CAMTA1: variants seen among roughly 807,000 people sequenced by gnomAD.
CAMTA1 encodes calmodulin-binding transcription activator 1.
CAMTA1 carries 27 observed loss-of-function variants against 170.9 expected under a neutral mutation model. The observed-to-expected ratio is 0.16, with a 90% CI of 0.12 to 0.22. The LOEUF (loss-of-function observed/expected upper bound fraction) is 0.22. CAMTA1 is among the 10% of genes least tolerant of loss of function. The probability of loss-of-function intolerance (pLI) is 1.00; values close to 1 mark genes in which losing one functional copy is unlikely to be tolerated. For missense variants in CAMTA1, 1,619 were observed against 2,217.2 expected, an observed-to-expected ratio of 0.73 and a Z score of 5.42; for synonymous variants, 833 against 891.5, an observed-to-expected ratio of 0.93 and a Z score of 1.17.
At chr1:6,794,891 T>TTG (rs1553146238) in intron 1 of CAMTA1, among the ~76,000 whole-genome samples, 3 of 130,748 alleles carry the variant, frequency 2.3e-5, no homozygotes, top group African/African-American at 1.1e-4. Flanking sequence ...TTTTTTTTTG[T>TTG]TTTTTTTGTT....
chr1:7,586,931 G>T (rs1420041723), intron 6 of CAMTA1, among the ~76,000 whole-genome samples: 1 of 151,972 alleles, frequency 6.6e-6, no homozygotes, highest in Non-Finnish European at 1.5e-5. Context: ...GGGAGGGGTT[G>T]TGCCACTCAA....
At chr1:6,989,303 C>T (rs1024524441) in intron 3 of CAMTA1, among the ~76,000 whole-genome samples, 3 of 152,186 alleles carry the variant, frequency 2.0e-5, no homozygotes, top group East Asian at 3.8e-4. Context: ...ATTTGACTAA[C>T]GGAGAATTTA....
Position 7,663,522 on chromosome 1 carries a change from G to A in CAMTA1, c.975G>A (p.Lys325=), listed in dbSNP as rs779986948. 4.7e-5 allele frequency: 75 copies of A among 1,603,728 alleles called. No individual in the cohort carries two copies. Among genetic ancestry groups the A allele is most frequent in the Middle Eastern group, 1.7e-4 (1 of 6,044 alleles). The change falls in exon 9 of 23, where the codon AAG becomes AAA. Residue 325 remains lysine (K), a synonymous_variant. Transcript: ENST00000303635. The stretch of plus-strand genomic sequence containing the variant: ...ACAGCAAGGGCTCCAGCCGTGAGAA[G>A]AGGAACGGCAAGGTGGCCAAGCCCG... ...HSHSKGSSRE[K]RNGKVAKPVL... is the part of the protein sequence containing the mutation.
rs1418876284 is a variant in CAMTA1, at chr1:7,670,951, C to A, written c.2693C>A (p.Ala898Asp). 6.2e-7 allele frequency: 1 copy of A among 1,613,796 alleles called. No homozygotes were observed. The highest frequency in any genetic ancestry group is 8.5e-7 in the Non-Finnish European group (1 of 1,179,914). Residue 898 changes from alanine (A) to aspartate (D), a missense_variant, in exon 10 of 23, where the codon GCC (alanine) becomes GAC (aspartate). Ala to Asp is a moderately radical substitution (Grantham distance 126). This residue lies in a region of CAMTA1 where 29 missense variants were observed against 70.9 expected (regional missense o/e 0.41). Coordinates refer to ENST00000303635, the MANE Select transcript of CAMTA1 (RefSeq NM_015215.4). ...CTCATCACAGGCCCGTGGCAAGAAGCCAGCAATAACTACAGCTGCCTGTTT... is the reference window on the plus strand; with the variant it reads ...CTCATCACAGGCCCGTGGCAAGAAGACAGCAATAACTACAGCTGCCTGTTT... ...KVLITGPWQE[A>D]SNNYSCLFDQ... is the part of the protein sequence containing the mutation.
chr1:7,729,112 A>AT (rs2096713028), intron 11 of CAMTA1, among the ~76,000 whole-genome samples: 9 of 146,196 alleles, frequency 6.2e-5, no homozygotes, highest in Non-Finnish European at 1.1e-4. Context: ...AATATGAGGA[A>AT]TCTTTTTTTT....
intron 5 of CAMTA1, among the ~76,000 whole-genome samples, chr1:7,364,308 T>C (rs571450879): frequency 1.3e-5 from 2 of 152,276 alleles, no homozygotes; most frequent in East Asian, 3.9e-4. Flanking sequence ...CATTTAATGC[T>C]CACAGTTCTG....
intron 5 of CAMTA1, among the ~76,000 whole-genome samples, chr1:7,330,936 G>A (rs1171751851): frequency 6.6e-6 from 1 of 152,128 alleles, no homozygotes; most frequent in South Asian, 2.1e-4. Flanking sequence ...GGAGGCTGGG[G>A]CTGTGTTTGG....
chr1:7,008,815 A>G (rs1699381149), intron 3 of CAMTA1: 1 of 152,272 alleles, frequency 6.6e-6, no homozygotes, highest in Non-Finnish European at 1.5e-5. Flanking sequence ...GGTGGAATCC[A>G]CAACCATCTG....
intron 5 of CAMTA1, among the ~76,000 whole-genome samples, chr1:7,322,263 G>A (rs1224270521): frequency 6.6e-6 from 1 of 152,148 alleles, no homozygotes; most frequent in African/African-American, 2.4e-5. Flanking sequence ...CCCCACAATC[G>A]AAGGCTCCCT....
At chr1:7,182,092 C>T (rs1652291302) in intron 4 of CAMTA1, among the ~76,000 whole-genome samples, 1 of 152,030 alleles carries the variant, frequency 6.6e-6, no homozygotes, top group South Asian at 2.1e-4. Flanking sequence ...AAGGTGGTAT[C>T]TCAAATCACT....
chr1:7,423,773 G>C (rs1486989058), intron 5 of CAMTA1, among the ~76,000 whole-genome samples: 1 of 152,126 alleles, frequency 6.6e-6, no homozygotes, highest in Non-Finnish European at 1.5e-5. Flanking sequence ...GTATGGCCGA[G>C]TGTTTGTGCT....
At chr1:6,811,423 G>GT (rs1234903192) in intron 1 of CAMTA1, among the ~76,000 whole-genome samples, 2 of 152,134 alleles carry the variant, frequency 1.3e-5, no homozygotes, top group African/African-American at 4.8e-5. Flanking sequence ...GGAGTAGAGA[G>GT]TTTACTTTTA....
chr1:7,513,908 G>A lies in CAMTA1; in HGVS notation c.510+46007G>A, dbSNP rs543273866. On this transcript the variant is annotated intron_variant, in intron 6 of 22. Transcript: ENST00000303635. ...TTGCACTCCAGCCTGGGCGACAAGA[G>A]TGAAACTCCGTCTCAAAAACACATA... Among the ~76,000 whole-genome samples the A allele has an allele frequency of 7.9e-5, 12 of 152,148 alleles. No individual in the cohort carries two copies. The South Asian group carries it at 2.5e-3, about 32-fold the overall frequency.
rs141634142 is a variant in CAMTA1 at position 6,818,788 on chromosome 1, T to A, written c.46-1393T>A. On this transcript the variant is annotated intron_variant, in intron 1 of 22. Transcript: ENST00000303635. ...CCAGGTATCTGGGACCATAGGTGTG[T>A]TGCCACCATGCCTGGCTAATTTTTG... 6.8e-3 allele frequency among the ~76,000 whole-genome samples: 1,036 copies of A among 152,140 alleles called. 13 individuals carry two copies. The highest frequency in any genetic ancestry group is 0.01 in the Admixed American group (160 of 15,284).
chr1:7,538,652 T>A lies in CAMTA1; in HGVS notation c.510+70751T>A, dbSNP rs796824480. Among the ~76,000 whole-genome samples, 15 of 152,106 alleles carry A rather than the reference T, an allele frequency of 9.9e-5. 1 individual carries two copies. Among genetic ancestry groups the A allele is most frequent in the African/African-American group, 3.6e-4 (15 of 41,500 alleles). On this transcript the variant is annotated intron_variant, in intron 6 of 22. Transcript: ENST00000303635. ...ATGACAGATCAAGACCAAGACCCTGTCTCTCAACAAAAAAAAATGAACAAA... is the reference window on the plus strand; with the variant it reads ...ATGACAGATCAAGACCAAGACCCTGACTCTCAACAAAAAAAAATGAACAAA...
At chr1:7,107,339 T>C (rs1235386699) in intron 4 of CAMTA1, among the ~76,000 whole-genome samples, 1 of 147,614 alleles carries the variant, frequency 6.8e-6, no homozygotes, top group African/African-American at 2.5e-5. Flanking sequence ...GAATGCAAAA[T>C]GGGGCCAAGA....
chr1:7,653,823 C>T (rs1224902912), intron 7 of CAMTA1, among the ~76,000 whole-genome samples: 1 of 152,180 alleles, frequency 6.6e-6, no homozygotes, highest in Admixed American at 6.5e-5. Context: ...GGGAGATGAG[C>T]AGTGAACAGC....
At chr1:7,683,267 G>A (rs970997179) in intron 11 of CAMTA1, among the ~76,000 whole-genome samples, 1 of 151,892 alleles carries the variant, frequency 6.6e-6, no homozygotes, top group African/African-American at 2.4e-5. Context: ...GAAGACAGAG[G>A]AGCAAAAATT....
intron 4 of CAMTA1, among the ~76,000 whole-genome samples, chr1:7,236,043 TGA>T (rs1233601317): frequency 6.6e-6 from 1 of 152,172 alleles, no homozygotes; most frequent in East Asian, 1.9e-4. Flanking sequence ...CATAAACAGC[TGA>T]GAGTGGCCGG....
Sources: gnomAD v4.1 joint callset for allele counts (sites outside exome capture counted in the v4.1 genomes callset) on GRCh38, gnomAD v4.1.1 for gene constraint, gnomAD v4.1.1 regional missense constraint, MANE v1.5 for transcripts, NCBI Gene and HGNC (gene_info 2026-07-23, HGNC 2026-07-21) for gene names.